Variants in PCDHGA7 observed in about 807,000 individuals in gnomAD.
The protein encoded by PCDHGA7 is protocadherin gamma-A7.
A neutral mutation model predicts 58.3 loss-of-function variants in PCDHGA7; 44 were observed. That is an observed-to-expected ratio of 0.75 (90% confidence interval 0.59 to 0.97). The LOEUF (loss-of-function observed/expected upper bound fraction) is 0.97. Among genes scored for constraint, PCDHGA7 ranks in the 50% least tolerant of loss-of-function variants. PCDHGA7 has a pLI of 0.00. For missense variants in PCDHGA7, 1,266 were observed against 1,188.7 expected, an observed-to-expected ratio of 1.06 and a Z score of -0.96; for synonymous variants, 516 against 504.2, an observed-to-expected ratio of 1.02 and a Z score of -0.31.
In PCDHGA7 at chr5:141,421,687, G is replaced by C. The variant is rs763146085; in HGVS notation, c.2424+36364G>C. On this transcript the variant is annotated intron_variant, in intron 1 of 3. Coordinates refer to ENST00000518325, the MANE Select transcript of PCDHGA7 (RefSeq NM_018920.4). ...GCACGCAATTCCTGGGGCGCGATTT[G>C]CTCTTCCTAATGCTAGGGATCCAGA... 1.3e-5 allele frequency: 21 copies of C among 1,613,788 alleles called. No individual in the cohort carries two copies. Among genetic ancestry groups the C allele is most frequent in the Non-Finnish European group, 1.8e-5 (21 of 1,179,860 alleles).
At chr5:141,423,099 G>C (rs1344463949) in intron 1 of PCDHGA7, 1 of 1,613,826 alleles carries the variant, frequency 6.2e-7, no homozygotes, top group Non-Finnish European at 8.5e-7. Flanking sequence ...GGGAGCACAC[G>C]GGCGAGGTGC....
At chr5:141,394,282 C>G (rs375429182) in intron 1 of PCDHGA7, 11 of 1,613,864 alleles carry the variant, frequency 6.8e-6, no homozygotes, top group Non-Finnish European at 8.5e-6. Flanking sequence ...GTCACTTACT[C>G]TGTGACCGAG....
chr5:141,486,161 A>G lies in PCDHGA7; in HGVS notation c.2425-8646A>G. 1 of 1,614,216 alleles carries G rather than the reference A, an allele frequency of 6.2e-7. No individual in the cohort carries two copies. The highest frequency in any genetic ancestry group is 8.5e-7 in the Non-Finnish European group (1 of 1,180,038). ...GGCTCGCGATGGGGGTTCTCCAGCC[A>G]TGGAGCAACATTGCAGCCTTCGAGT... On this transcript the variant is annotated intron_variant, in intron 1 of 3. Coordinates refer to ENST00000518325, the MANE Select transcript of PCDHGA7 (RefSeq NM_018920.4). The surrounding 1 kb of genome is among the most constrained non-coding windows in gnomAD (Gnocchi z 5.0).
chr5:141,407,169 G>A (rs946090447), intron 1 of PCDHGA7, among the ~76,000 whole-genome samples: 3 of 152,146 alleles, frequency 2.0e-5, no homozygotes, highest in Non-Finnish European at 4.4e-5. Flanking sequence ...AATCCTTTAT[G>A]ACATACAGAC....
chr5:141,418,504 A>T (rs761133198), intron 1 of PCDHGA7: 32 of 1,613,904 alleles, frequency 2.0e-5, no homozygotes, highest in Non-Finnish European at 2.7e-5. Context: ...TGACCGCCTT[A>T]GATGGTGGGG....
At chr5:141,410,722 ATCC>A (rs2154543211) in intron 1 of PCDHGA7, 21 of 1,396,054 alleles carry the variant, frequency 1.5e-5, no homozygotes, top group Non-Finnish European at 2.0e-5. Context: ...TATGTTTAAA[ATCC>A]ATAGCTTTTT....
chr5:141,477,296 G>C lies in PCDHGA7; in HGVS notation c.2425-17511G>C. On this transcript the variant is annotated intron_variant, in intron 1 of 3. Transcript: ENST00000518325. This position sits in a 1 kb window ranked among gnomAD's most constrained non-coding sequence, Gnocchi z 4.9. ...GCTGGTGACCTGCGAAGTTCCACCG[G>C]GTCTCCCTTTCAGCCTTACTTCTTC... 3 of 1,614,064 alleles carry C rather than the reference G, an allele frequency of 1.9e-6. No individual in the cohort carries two copies. Among genetic ancestry groups the C allele is most frequent in the African/African-American group, 1.3e-5 (1 of 75,014 alleles).
rs768509409 is a variant in PCDHGA7 at position 141,489,236 on chromosome 5, G to C, written c.2425-5571G>C. 1 of 1,531,176 alleles carries C rather than the reference G, an allele frequency of 6.5e-7. No homozygotes were observed. 94.8% of individuals were successfully genotyped at this position (1,531,176 alleles called of 1,614,324 possible). On this transcript the variant is annotated intron_variant, in intron 1 of 3. Transcript: ENST00000518325. The surrounding 1 kb of genome is among the most constrained non-coding windows in gnomAD (Gnocchi z 4.5). The stretch of plus-strand genomic sequence containing the variant: ...ACTTACTCTCCACAAAGGGACTTCT[G>C]GGTCATGGGGCCCAAGACACTCCCA...
At position 141,511,572 on chromosome 5, in the gene PCDHGA7, T is replaced by C. The variant is rs1366960269; in HGVS notation, c.*399T>C. The C allele has an allele frequency of 1.0e-5, 3 of 289,550 alleles. No homozygotes were observed. The East Asian group carries it at 2.4e-4, about 23-fold the overall frequency. 17.9% of individuals were successfully genotyped at this position (289,550 alleles called of 1,614,324 possible). ...AACAGTTCCTCTTTCCCGAGTAAGG[T>C]GGTTGGGGTGTTGAAGTACCAAGTA... On this transcript the variant is annotated 3_prime_UTR_variant, in exon 4 of 4. Coordinates refer to ENST00000518325, the MANE Select transcript of PCDHGA7 (RefSeq NM_018920.4).
In PCDHGA7 at chr5:141,401,291, G is replaced by A. The variant is rs565015907; in HGVS notation, c.2424+15968G>A. On this transcript the variant is annotated intron_variant, in intron 1 of 3. Transcript: ENST00000518325. ...TGGCAGGTGGAGGTTGCGGTGAGCC[G>A]AGATCACTCCATTGCATTCCAGCCT... is the stretch of plus-strand genomic sequence containing the variant. Among the ~76,000 whole-genome samples the A allele has an allele frequency of 8.5e-5, 13 of 152,194 alleles. No individual in the cohort carries two copies. The South Asian group carries it at 2.5e-3, about 29-fold the overall frequency.
rs2095356668 is a variant in PCDHGA7, at chr5:141,410,094, C to T, written c.2424+24771C>T. Reference sequence around the variant, plus strand: ...ACTGGGGAGGTGCGCACGGCTCGAGCCTTAGGCGACAGGGACGCAGCCCGC... The same window carrying T: ...ACTGGGGAGGTGCGCACGGCTCGAGTCTTAGGCGACAGGGACGCAGCCCGC... On this transcript the variant is annotated intron_variant, in intron 1 of 3. Coordinates refer to ENST00000518325, the MANE Select transcript of PCDHGA7 (RefSeq NM_018920.4). 6.2e-7 allele frequency: 1 copy of T among 1,612,528 alleles called. No homozygotes were observed. Among genetic ancestry groups the T allele is most frequent in the Non-Finnish European group, 8.5e-7 (1 of 1,179,670 alleles).
intron 1 of PCDHGA7, chr5:141,413,526 G>A: frequency 6.2e-7 from 1 of 1,613,936 alleles, no homozygotes; most frequent in Non-Finnish European, 8.5e-7. Context: ...TGGAAGACAG[G>A]GTGAAACTTT....
intron 1 of PCDHGA7, chr5:141,399,197 T>G: frequency 6.2e-7 from 1 of 1,613,926 alleles, no homozygotes; most frequent in Non-Finnish European, 8.5e-7. Context: ...GAAAACGCGG[T>G]GCCTGGAACA....
At position 141,490,054 on chromosome 5, in the gene PCDHGA7, G is replaced by A. The variant is rs2099695440; in HGVS notation, c.2425-4753G>A. The A allele has an allele frequency of 6.2e-7, 1 of 1,614,104 alleles. No individual in the cohort carries two copies. The highest frequency in any genetic ancestry group is 1.3e-5 in the African/African-American group (1 of 74,944). ...CCTCAATGCCACTGATCCAGACGAG[G>A]GCACCAACGGCCAACTAGACTATTC... On this transcript the variant is annotated intron_variant, in intron 1 of 3. Transcript: ENST00000518325. This position sits in a 1 kb window ranked among gnomAD's most constrained non-coding sequence, Gnocchi z 5.4.
intron 1 of PCDHGA7, chr5:141,399,913 C>T: frequency 2.5e-6 from 4 of 1,612,372 alleles, no homozygotes; most frequent in Non-Finnish European, 3.4e-6. Context: ...AGACTCAGGA[C>T]ACAACGCCTG....
Position 141,487,660 on chromosome 5 carries a change from T to C in PCDHGA7, c.2425-7147T>C. Reference sequence around the variant, plus strand: ...AACAAATGCTTGAGGGTTATTCTGATCCAGGCATATGGCTAGGCCATGTCC... The same window carrying C: ...AACAAATGCTTGAGGGTTATTCTGACCCAGGCATATGGCTAGGCCATGTCC... On this transcript the variant is annotated intron_variant, in intron 1 of 3. Coordinates refer to ENST00000518325, the MANE Select transcript of PCDHGA7 (RefSeq NM_018920.4). The surrounding 1 kb of genome is among the most constrained non-coding windows in gnomAD (Gnocchi z 5.0). The C allele has an allele frequency of 6.2e-7, 1 of 1,613,442 alleles. No homozygotes were observed. The highest frequency in any genetic ancestry group is 8.5e-7 in the Non-Finnish European group (1 of 1,179,710).
chr5:141,408,239 C>A, intron 1 of PCDHGA7: 2 of 1,577,720 alleles, frequency 1.3e-6, no homozygotes, highest in South Asian at 2.3e-5. Flanking sequence ...CCGGGCCGGC[C>A]CGCGGCAGGT....
chr5:141,460,686 C>A (rs2098995566), intron 1 of PCDHGA7, among the ~76,000 whole-genome samples: 1 of 151,698 alleles, frequency 6.6e-6, no homozygotes, highest in Admixed American at 6.6e-5. Context: ...TCTATATATC[C>A]ACCAACAGTT....
At chr5:141,388,993 G>C (rs778336882) in intron 1 of PCDHGA7, 1 of 1,614,026 alleles carries the variant, frequency 6.2e-7, no homozygotes, top group South Asian at 1.1e-5. Context: ...CTCAAAGTCC[G>C]TGACAAGGAT....
Sources: allele counts gnomAD v4.1 joint callset (sites outside exome capture counted in the v4.1 genomes callset), GRCh38; gene constraint gnomAD v4.1.1; non-coding constraint Gnocchi (gnomAD v3.1); transcripts MANE v1.5; gene names NCBI Gene and HGNC (gene_info 2026-07-23, HGNC 2026-07-21).